AP3B1: variants seen among roughly 807,000 people sequenced by gnomAD.
AP3B1 encodes the protein AP-3 complex subunit beta-1.
In AP3B1, 61 loss-of-function variants were observed where a neutral mutation model predicts 132.5. The ratio of observed to expected loss-of-function variants is 0.46; its 90% CI spans 0.37 to 0.57. The LOEUF is 0.57. AP3B1 is among the 20% of genes least tolerant of loss of function. The pLI is 0.00. For missense variants in AP3B1, 1,120 were observed against 1,289.4 expected, an observed-to-expected ratio of 0.87 and a Z score of 2.01; for synonymous variants, 388 against 438.3, an observed-to-expected ratio of 0.89 and a Z score of 1.43.
intron 17 of AP3B1, among the ~76,000 whole-genome samples, chr5:78,120,338 A>C (rs1473874196): frequency 6.6e-6 from 1 of 152,122 alleles, no homozygotes; most frequent in Non-Finnish European, 1.5e-5. Context: ...ATTCACACAT[A>C]ACAATATTAA....
intron 11 of AP3B1, among the ~76,000 whole-genome samples, chr5:78,172,156 G>T (rs886637970): frequency 1.3e-5 from 2 of 152,156 alleles, no homozygotes; most frequent in East Asian, 1.9e-4. Flanking sequence ...TTTTATTGAG[G>T]ATTTTCGCAT....
At chr5:78,066,563 T>C (rs568555458) in intron 22 of AP3B1, among the ~76,000 whole-genome samples, 1 of 152,276 alleles carries the variant, frequency 6.6e-6, no homozygotes, top group Admixed American at 6.5e-5. Context: ...GAGGAAAGAA[T>C]TTCTGAGCTT....
chr5:78,102,575 T>C (rs1751177294), intron 20 of AP3B1, among the ~76,000 whole-genome samples: 1 of 152,050 alleles, frequency 6.6e-6, no homozygotes, highest in South Asian at 2.1e-4. Flanking sequence ...AATTTAAAAG[T>C]TGCAAGTAAA....
rs576902850 is a variant in AP3B1 at position 78,246,624 on chromosome 5, G to A, written c.205-5688C>T. ...ATTTCAACAAAGTAGTCAAATTTAT[G>A]GGGCTAATGATGCCTAAAATATTCC... On this transcript the variant is annotated intron_variant, in intron 2 of 26. Transcript: ENST00000255194. Among the ~76,000 whole-genome samples the A allele has an allele frequency of 5.3e-5, 8 of 152,142 alleles. No individual in the cohort carries two copies. The South Asian group carries it at 8.3e-4, about 16-fold the overall frequency.
At chr5:78,270,110 T>C (rs1048314463) in intron 1 of AP3B1, among the ~76,000 whole-genome samples, 1 of 151,978 alleles carries the variant, frequency 6.6e-6, no homozygotes, top group East Asian at 1.9e-4. Flanking sequence ...TGGGGTTTCA[T>C]CATGTTGGCC....
chr5:78,253,957 CAAAAA>C (rs35713067), intron 2 of AP3B1, among the ~76,000 whole-genome samples: 1 of 93,910 alleles, frequency 1.1e-5, no homozygotes, highest in Non-Finnish European at 2.1e-5. Flanking sequence ...GACTCCACCT[CAAAAA>C]AAAAAAAAAA....
At chr5:78,011,041 C>CTTTT (rs11301750) in intron 26 of AP3B1, among the ~76,000 whole-genome samples, 7 of 129,372 alleles carry the variant, frequency 5.4e-5, no homozygotes, top group Non-Finnish European at 6.4e-5. Context: ...CTGTATCTCT[C>CTTTT]TTTTTTTTTT....
chr5:78,119,455 G>A (rs1038388999), intron 17 of AP3B1, among the ~76,000 whole-genome samples: 14 of 152,214 alleles, frequency 9.2e-5, no homozygotes, highest in African/African-American at 2.2e-4. Context: ...AAAATTAGAC[G>A]AATGGATACC....
rs565254122 is a variant in AP3B1, at chr5:78,203,497, G to C, written c.786+12558C>G. Among the ~76,000 whole-genome samples, 9 of 152,200 alleles carry C rather than the reference G, an allele frequency of 5.9e-5. No homozygotes were observed. In the East Asian group the frequency reaches 1.5e-3, roughly 26 times the overall value. On this transcript the variant is annotated intron_variant, in intron 7 of 26. Transcript: ENST00000255194. ...CACCTGGTCCCACTCTTGACATGTG[G>C]GGATTATTACAGTTCAAGGTGAGAT... is the stretch of plus-strand genomic sequence containing the variant.
intron 11 of AP3B1, among the ~76,000 whole-genome samples, chr5:78,168,464 T>G (rs1743756801): frequency 6.6e-6 from 1 of 152,060 alleles, no homozygotes; most frequent in Admixed American, 6.6e-5. Context: ...GCTCAAGCGA[T>G]CCTCCTGCCT....
intron 7 of AP3B1, among the ~76,000 whole-genome samples, chr5:78,208,393 T>C (rs145766210): frequency 3.3e-5 from 5 of 152,320 alleles, no homozygotes; most frequent in African/African-American, 7.2e-5. Context: ...TTTTCAGCTC[T>C]GCCCACCCCC....
intron 7 of AP3B1, among the ~76,000 whole-genome samples, chr5:78,203,113 C>T (rs1282846598): frequency 6.6e-6 from 1 of 152,138 alleles, no homozygotes; most frequent in African/African-American, 2.4e-5. Flanking sequence ...ATTGAGGAAA[C>T]CTTGTAAATA....
At chr5:78,238,951 A>G (rs968240119) in intron 3 of AP3B1, among the ~76,000 whole-genome samples, 10 of 150,460 alleles carry the variant, frequency 6.6e-5, no homozygotes, top group African/African-American at 2.5e-4. Context: ...ATAAACAGAC[A>G]AGCTGAAAGC....
chr5:78,043,841 G>T, intron 22 of AP3B1: 2 of 363,868 alleles, frequency 5.5e-6, no homozygotes, highest in South Asian at 5.2e-5. Flanking sequence ...AATACACCCT[G>T]ACTTTGGTAG....
chr5:78,142,453 T>C (rs191401837), intron 14 of AP3B1, among the ~76,000 whole-genome samples: 3 of 152,310 alleles, frequency 2.0e-5, no homozygotes, highest in Non-Finnish European at 4.4e-5. Flanking sequence ...ATAATGTTCT[T>C]TTTATGAAGT....
At chr5:78,009,074 A>G (rs1746507983) in intron 26 of AP3B1, among the ~76,000 whole-genome samples, 1 of 152,204 alleles carries the variant, frequency 6.6e-6, no homozygotes, top group Admixed American at 6.5e-5. Context: ...GATACCAAAA[A>G]TAATGTGTAC....
intron 17 of AP3B1, among the ~76,000 whole-genome samples, chr5:78,122,147 C>A (rs899707117): frequency 6.6e-6 from 1 of 152,108 alleles, no homozygotes; most frequent in Non-Finnish European, 1.5e-5. Flanking sequence ...AATTCAACAA[C>A]CCTTCATGCT....
chr5:78,072,292 GA>G (rs1749572101), intron 22 of AP3B1, among the ~76,000 whole-genome samples: 1 of 152,078 alleles, frequency 6.6e-6, no homozygotes, highest in South Asian at 2.1e-4. Flanking sequence ...GATTTTGAAA[GA>G]AAACATACAA....
At chr5:78,009,291 CAAAA>C (rs1286628758) in intron 26 of AP3B1, among the ~76,000 whole-genome samples, 3 of 51,968 alleles carry the variant, frequency 5.8e-5, no homozygotes, top group Non-Finnish European at 8.7e-5. Flanking sequence ...CCTGTCTCTA[CAAAA>C]AAAAAAAAAA....
Sources: allele counts gnomAD v4.1 joint callset (sites outside exome capture counted in the v4.1 genomes callset), GRCh38; gene constraint gnomAD v4.1.1; transcripts MANE v1.5; gene names NCBI Gene and HGNC (gene_info 2026-07-23, HGNC 2026-07-21).